ARHGEF4: variants seen among roughly 807,000 people sequenced by gnomAD.
ARHGEF4 encodes Rho guanine nucleotide exchange factor 4.
ARHGEF4 carries 119 observed loss-of-function variants against 162.0 expected under a neutral mutation model. The observed-to-expected ratio is 0.73, with a 90% CI of 0.63 to 0.86. The LOEUF (loss-of-function observed/expected upper bound fraction) is 0.86, where lower values mean the gene tolerates loss of function less well. Ranked by LOEUF, ARHGEF4 falls within the 40% of genes least tolerant of loss-of-function variation. The pLI is 0.00. For synonymous variants in ARHGEF4, 1,014 were observed against 979.9 expected, an observed-to-expected ratio of 1.03 and a Z score of -0.65; for missense variants, 2,488 against 2,456.0, an observed-to-expected ratio of 1.01 and a Z score of -0.28.
chr2:131,044,283 G>A lies in ARHGEF4; in HGVS notation c.5158-16G>A, dbSNP rs1691058269. 1.2e-6 allele frequency: 2 copies of A among 1,610,360 alleles called. No homozygotes were observed. Among genetic ancestry groups the A allele is most frequent in the South Asian group, 1.1e-5 (1 of 90,188 alleles). On this transcript the variant is annotated splice_polypyrimidine_tract_variant and intron_variant, in intron 11 of 13. Transcript: ENST00000409359. ...GGAGCGGTTCAGCAGCCAGGGCTGA[G>A]GCCAGCATCTGGCAGGACCTGCTCC...
At chr2:130,881,305 C>T (rs751330947) in intron 1 of ARHGEF4, among the ~76,000 whole-genome samples, 1 of 152,168 alleles carries the variant, frequency 6.6e-6, no homozygotes, top group African/African-American at 2.4e-5. Flanking sequence ...TGAGCCACCG[C>T]GCCCTGCAAA....
At position 130,838,322 on chromosome 2, in the gene ARHGEF4, C is replaced by A. The variant is rs117444439; in HGVS notation, c.39+1330C>A. On this transcript the variant is annotated intron_variant, in intron 1 of 13. Coordinates refer to ENST00000409359, the MANE Select transcript of ARHGEF4 (RefSeq NM_001367493.1). ...GTCTTATTAGAAAATGTGAGTGTGG[C>A]CCGGCGCGGTGGCTCATGCCTGTAA... Among the ~76,000 whole-genome samples the A allele has an allele frequency of 6.8e-4, 103 of 152,326 alleles. No homozygotes were observed. In the East Asian group the frequency reaches 0.016, roughly 24 times the overall value.
chr2:130,990,021 A>G (rs1686838144), intron 4 of ARHGEF4, among the ~76,000 whole-genome samples: 1 of 152,242 alleles, frequency 6.6e-6, no homozygotes, highest in Admixed American at 6.5e-5. Flanking sequence ...TGAGGTCACC[A>G]TTCCAAATAT....
At chr2:131,030,752 T>C (rs910008103) in intron 5 of ARHGEF4, among the ~76,000 whole-genome samples, 1 of 152,216 alleles carries the variant, frequency 6.6e-6, no homozygotes, top group Admixed American at 6.5e-5. Flanking sequence ...AGCAAGGCCA[T>C]CTCTGTGTTT....
chr2:130,974,835 T>C (rs1461932126), intron 4 of ARHGEF4, among the ~76,000 whole-genome samples: 2 of 152,144 alleles, frequency 1.3e-5, no homozygotes, highest in African/African-American at 4.8e-5. Flanking sequence ...AACACAAGAA[T>C]TGATTCTGAT....
At chr2:130,852,665 C>G (rs1681492798) in intron 1 of ARHGEF4, among the ~76,000 whole-genome samples, 2 of 152,206 alleles carry the variant, frequency 1.3e-5, no homozygotes, top group African/African-American at 4.8e-5. Flanking sequence ...CCAAGAGTCT[C>G]AGGAGGAGAC....
In ARHGEF4 at chr2:130,841,344, A is replaced by G. The variant is rs556743161; in HGVS notation, c.39+4352A>G. ...CTCCCAAAGTGCTGGGATTACAAGC[A>G]TGAGCCACCGCGCCAGGCCTAGAAA... is the stretch of plus-strand genomic sequence containing the variant. On this transcript the variant is annotated intron_variant, in intron 1 of 13. Transcript: ENST00000409359. 1.0e-3 allele frequency among the ~76,000 whole-genome samples: 152 copies of G among 150,088 alleles called. 1 individual carries two copies. Among genetic ancestry groups the G allele is most frequent in the African/African-American group, 2.7e-3 (112 of 40,876 alleles).
intron 4 of ARHGEF4, among the ~76,000 whole-genome samples, chr2:130,985,225 C>A (rs1039076388): frequency 6.6e-6 from 1 of 152,102 alleles, no homozygotes; most frequent in African/African-American, 2.4e-5. Context: ...GATGGAAACT[C>A]GCTTCCAGCC....
intron 1 of ARHGEF4, among the ~76,000 whole-genome samples, chr2:130,862,668 G>A (rs1295643413): frequency 2.6e-5 from 1 of 38,200 alleles, no homozygotes; most frequent in Non-Finnish European, 3.9e-5. Context: ...ACGAGATCAA[G>A]ACCAGCCTGA....
At chr2:130,996,954 A>T (rs1295079670) in intron 4 of ARHGEF4, among the ~76,000 whole-genome samples, 1 of 152,072 alleles carries the variant, frequency 6.6e-6, no homozygotes, top group African/African-American at 2.4e-5. Context: ...TTATATTTTG[A>T]ATATATTATT....
At position 130,910,392 on chromosome 2, in the gene ARHGEF4, G is replaced by A. The variant is rs573772808; in HGVS notation, c.40-3594G>A. 3.9e-5 allele frequency among the ~76,000 whole-genome samples: 6 copies of A among 152,268 alleles called. No individual in the cohort carries two copies. The East Asian group carries it at 1.2e-3, about 29-fold the overall frequency. On this transcript the variant is annotated intron_variant, in intron 1 of 13. Transcript: ENST00000409359. ...TCAGAGGATGGCCTTTAAAGGAAAA[G>A]TCTTTCTTAGGGATAAGAAAGTAAA...
At chr2:130,992,016 C>T (rs1014943469) in intron 4 of ARHGEF4, among the ~76,000 whole-genome samples, 2 of 152,160 alleles carry the variant, frequency 1.3e-5, no homozygotes, top group African/African-American at 4.8e-5. Flanking sequence ...CAGTCAGCAC[C>T]CTGTGTCTAG....
intron 4 of ARHGEF4, among the ~76,000 whole-genome samples, chr2:130,963,117 C>T (rs1162993745): frequency 6.6e-6 from 1 of 152,218 alleles, no homozygotes; most frequent in East Asian, 1.9e-4. Flanking sequence ...CAGTGGGCCT[C>T]GTGGCCCCAA....
In ARHGEF4 at chr2:130,916,315, A is replaced by G; in HGVS notation, c.2369A>G (p.Lys790Arg). The stretch of plus-strand genomic sequence containing the variant: ...CGCAAGGGCGCGCAGGAGCCTGGGA[A>G]GCGCCCGACGTTTTCCAAGGTGACC... ...GLRKGAQEPGKRPTFSKVTSF... is the reference protein window; with the variant it reads ...GLRKGAQEPGRRPTFSKVTSF... Residue 790 changes from lysine (K) to arginine (R), a missense_variant, in exon 2 of 14, where the codon AAG (lysine) becomes AGG (arginine). By Grantham distance (26) the Lys-to-Arg change is conservative (BLOSUM62 2). Around this residue, in one of 6 missense-constraint regions of ARHGEF4, gnomAD observed 1,642 missense variants for 1,481.5 expected, o/e 1.11. Transcript: ENST00000409359. 6.5e-7 allele frequency: 1 copy of G among 1,542,450 alleles called. No individual in the cohort carries two copies. The highest frequency in any genetic ancestry group is 8.7e-7 in the Non-Finnish European group (1 of 1,144,878).
intron 4 of ARHGEF4, among the ~76,000 whole-genome samples, chr2:130,961,207 C>T (rs1053292568): frequency 2.6e-5 from 4 of 152,230 alleles, no homozygotes; most frequent in Non-Finnish European, 4.4e-5. Flanking sequence ...GCGCTGTACT[C>T]CCTGGACACA....
chr2:131,029,953 C>T (rs1008811357), intron 5 of ARHGEF4, among the ~76,000 whole-genome samples: 2 of 152,216 alleles, frequency 1.3e-5, no homozygotes, highest in Non-Finnish European at 2.9e-5. Context: ...GGGCATGGAG[C>T]ACTGAGCAGT....
intron 5 of ARHGEF4, chr2:131,035,102 C>T: frequency 9.1e-7 from 1 of 1,095,886 alleles, no homozygotes; most frequent in East Asian, 5.5e-5. Flanking sequence ...ATGGCGAGGG[C>T]CCCGCAGCCC....
chr2:130,899,215 A>G (rs1487639746), intron 1 of ARHGEF4, among the ~76,000 whole-genome samples: 2 of 152,332 alleles, frequency 1.3e-5, no homozygotes, highest in East Asian at 1.9e-4. Context: ...GCTTCATAAC[A>G]TAACATATTC....
rs1210151079 is a variant in ARHGEF4, at chr2:131,044,433, C to T, written c.5292C>T (p.Gly1764=). ...AGAACGCCTTCCGGCTGCACCGTGG[C>T]GCCACAGGGGACAGCCACCTGCTGT... ...SIKNAFRLHR[G]ATGDSHLLCT... is the part of the protein sequence containing the mutation. The change falls in exon 12 of 14, where the codon GGC becomes GGT. Residue 1764 remains glycine, a synonymous_variant. Transcript: ENST00000409359. 8.3e-6 allele frequency: 13 copies of T among 1,563,816 alleles called. No homozygotes were observed. The highest frequency in any genetic ancestry group is 1.7e-4 in the Middle Eastern group (1 of 6,030).
Sources: gnomAD v4.1 joint callset for allele counts (sites outside exome capture counted in the v4.1 genomes callset) on GRCh38, gnomAD v4.1.1 for gene constraint, gnomAD v4.1.1 regional missense constraint, MANE v1.5 for transcripts, NCBI Gene and HGNC (gene_info 2026-07-23, HGNC 2026-07-21) for gene names.